Variants in DAAM1 observed in about 807,000 individuals in gnomAD.
DAAM1 encodes dishevelled associated activator of morphogenesis 1, also known as disheveled-associated activator of morphogenesis 1.
A neutral mutation model predicts 130.0 loss-of-function variants in DAAM1; 52 were observed. The observed-to-expected ratio is 0.40, with a 90% CI of 0.32 to 0.50. DAAM1 has a LOEUF of 0.50. Ranked by LOEUF, DAAM1 falls within the 20% of genes least tolerant of loss-of-function variation. DAAM1 has a pLI of 0.61. For synonymous variants in DAAM1, 452 were observed against 444.5 expected, an observed-to-expected ratio of 1.02 and a Z score of -0.21; for missense variants, 1,134 against 1,303.8, an observed-to-expected ratio of 0.87 and a Z score of 2.01.
intron 3 of DAAM1, among the ~76,000 whole-genome samples, chr14:59,314,138 C>T (rs1166998189): frequency 6.6e-6 from 1 of 152,150 alleles, no homozygotes; most frequent in Non-Finnish European, 1.5e-5. Flanking sequence ...ATTAAATGCC[C>T]CACCTTGAAA....
At chr14:59,310,172 G>A (rs1460179346) in intron 3 of DAAM1, among the ~76,000 whole-genome samples, 2 of 150,396 alleles carry the variant, frequency 1.3e-5, no homozygotes, top group African/African-American at 4.9e-5. Context: ...GTGCAGTGGT[G>A]CGATCTCGGC....
intron 1 of DAAM1, among the ~76,000 whole-genome samples, chr14:59,190,715 G>C (rs1470973456): frequency 6.6e-6 from 1 of 152,156 alleles, no homozygotes; most frequent in Non-Finnish European, 1.5e-5. Flanking sequence ...TCTTCTCTTT[G>C]GTAATGTGAG....
chr14:59,293,396 C>A (rs1883828569), intron 3 of DAAM1, among the ~76,000 whole-genome samples: 1 of 152,186 alleles, frequency 6.6e-6, no homozygotes, highest in Admixed American at 6.5e-5. Flanking sequence ...CCTATCGAAT[C>A]CCCTTGAAAA....
chr14:59,297,017 T>C (rs1345641666), intron 3 of DAAM1, among the ~76,000 whole-genome samples: 1 of 152,180 alleles, frequency 6.6e-6, no homozygotes, highest in East Asian at 1.9e-4. Flanking sequence ...TCAGTGGATA[T>C]GCTCCAGTGA....
intron 12 of DAAM1, 132 bp downstream of exon 12, chr14:59,327,123 A>C: frequency 1.0e-6 from 1 of 954,208 alleles, no homozygotes; most frequent in South Asian, 1.6e-5. Context: ...TCCATCTTTT[A>C]AGGGCATTTT....
rs1882248000 is a variant in DAAM1, at chr14:59,263,022, T to G, written c.-37-419T>G. On this transcript the variant is annotated intron_variant, in intron 1 of 24. Coordinates refer to ENST00000360909, the MANE Select transcript of DAAM1 (RefSeq NM_001270520.2). The stretch of plus-strand genomic sequence containing the variant: ...TATTCTATTTAGGGAAGAGAACTTT[T>G]AAATCAGTCTGGAATCAGACTTTAA... Among the ~76,000 whole-genome samples, 3 of 152,196 alleles carry G rather than the reference T, an allele frequency of 2.0e-5. 1 individual carries two copies. The South Asian group carries it at 6.2e-4, about 31-fold the overall frequency.
At position 59,367,418 on chromosome 14, in the gene DAAM1, CT is replaced by C. The variant is rs1886962787; in HGVS notation, c.2827-6del. Reference sequence around the variant, plus strand: ...TGAAACATTGACTTCTTAAAACCATCTTTTTCCTAGTTTACTAAAGCAGTGA... The same window carrying C: ...TGAAACATTGACTTCTTAAAACCATCTTTTCCTAGTTTACTAAAGCAGTGA... On this transcript the variant is annotated splice_polypyrimidine_tract_variant and intron_variant, in intron 23 of 24. Transcript: ENST00000360909. 1 of 1,588,232 alleles carries C rather than the reference CT, an allele frequency of 6.3e-7. No homozygotes were observed. Among genetic ancestry groups the C allele is most frequent in the African/African-American group, 1.4e-5 (1 of 73,916 alleles).
At chr14:59,287,392 C>T (rs117010045) in intron 2 of DAAM1, among the ~76,000 whole-genome samples, 126 of 152,308 alleles carry the variant, frequency 8.3e-4, no homozygotes, top group Non-Finnish European at 1.6e-3. Context: ...TATGCCCATT[C>T]TCACCACTTC....
intron 1 of DAAM1, among the ~76,000 whole-genome samples, chr14:59,194,816 A>G (rs1438038303): frequency 6.6e-6 from 1 of 152,250 alleles, no homozygotes; most frequent in African/African-American, 2.4e-5. Context: ...CTTTTAAACC[A>G]TAGCCACAGT....
At chr14:59,350,979 G>A (rs1005288967) in intron 17 of DAAM1, among the ~76,000 whole-genome samples, 2 of 152,018 alleles carry the variant, frequency 1.3e-5, no homozygotes, top group African/African-American at 4.8e-5. Context: ...AGACCCATTT[G>A]TCCAGCTGCC....
At chr14:59,214,642 G>A (rs1176165115) in intron 1 of DAAM1, among the ~76,000 whole-genome samples, 1 of 152,108 alleles carries the variant, frequency 6.6e-6, no homozygotes, top group Non-Finnish European at 1.5e-5. Flanking sequence ...CTAGTTTAAT[G>A]TTTTCCAAAG....
chr14:59,284,569 A>G (rs1207158277), intron 2 of DAAM1, among the ~76,000 whole-genome samples: 2 of 152,158 alleles, frequency 1.3e-5, no homozygotes, highest in African/African-American at 2.4e-5. Flanking sequence ...ATCCAAGGAA[A>G]ACAGTAAAAT....
chr14:59,234,148 T>G (rs1889211806), intron 1 of DAAM1, among the ~76,000 whole-genome samples: 1 of 152,128 alleles, frequency 6.6e-6, no homozygotes, highest in Non-Finnish European at 1.5e-5. Context: ...TTTAAAGTAG[T>G]TTTTTTCTAA....
At chr14:59,334,085 TG>T (rs1263024255) in intron 15 of DAAM1, among the ~76,000 whole-genome samples, 2 of 152,240 alleles carry the variant, frequency 1.3e-5, no homozygotes, top group East Asian at 3.8e-4. Context: ...TCAGCATACC[TG>T]ATCAGCTTGA....
chr14:59,311,118 A>G (rs933136537), intron 3 of DAAM1, among the ~76,000 whole-genome samples: 1 of 152,200 alleles, frequency 6.6e-6, no homozygotes, highest in East Asian at 1.9e-4. Flanking sequence ...TCTCACCTAT[A>G]TCAACAGAAG....
intron 15 of DAAM1, chr14:59,338,495 T>G: frequency 1.4e-6 from 2 of 1,462,954 alleles, no homozygotes; most frequent in Non-Finnish European, 1.9e-6. Flanking sequence ...TTATCCAGGG[T>G]TTTGTTTTTG....
At chr14:59,310,880 G>C (rs923103336) in intron 3 of DAAM1, among the ~76,000 whole-genome samples, 1 of 151,892 alleles carries the variant, frequency 6.6e-6, no homozygotes, top group South Asian at 2.1e-4. Flanking sequence ...GTGGTCTAGC[G>C]AACAACCGCA....
chr14:59,315,109 A>G lies in DAAM1; in HGVS notation c.274-171A>G, dbSNP rs191007130. Among the ~76,000 whole-genome samples, 333 of 152,382 alleles carry G rather than the reference A, an allele frequency of 2.2e-3. 3 individuals are homozygous for G. The highest frequency in any genetic ancestry group is 0.015 in the Admixed American group (226 of 15,306). ...TGAGCTGGGAAGACCACCCTAGTCA[A>G]GTAGGCAGTCTGATCATTTATAGCC... On this transcript the variant is annotated intron_variant, in intron 3 of 24. Coordinates refer to ENST00000360909, the MANE Select transcript of DAAM1 (RefSeq NM_001270520.2).
intron 2 of DAAM1, among the ~76,000 whole-genome samples, chr14:59,289,318 G>A (rs1258724624): frequency 2.0e-5 from 3 of 152,058 alleles, no homozygotes; most frequent in African/African-American, 7.2e-5. Flanking sequence ...CTCCCACCAG[G>A]CCCCTCCCCT....
Sources: allele counts gnomAD v4.1 joint callset (sites outside exome capture counted in the v4.1 genomes callset), GRCh38; gene constraint gnomAD v4.1.1; transcripts MANE v1.5; gene names NCBI Gene and HGNC (gene_info 2026-07-23, HGNC 2026-07-21).